The following DISC1 variants were observed in gnomAD, a reference collection of about 807,000 sequenced individuals.
The protein encoded by DISC1 is disrupted in schizophrenia 1 protein.
Under a neutral mutation model 84.5 loss-of-function variants are expected in DISC1, and 57 were observed. The observed-to-expected ratio is 0.67, with a 90% confidence interval of 0.55 to 0.84. The LOEUF (loss-of-function observed/expected upper bound fraction) is 0.84, where lower values mean the gene tolerates loss of function less well. Ranked by LOEUF, DISC1 falls within the 40% of genes least tolerant of loss-of-function variation. DISC1 has a pLI of 0.00. For missense variants in DISC1, 1,000 were observed against 1,057.8 expected, an observed-to-expected ratio of 0.95 and a Z score of 0.76; for synonymous variants, 411 against 415.2, an observed-to-expected ratio of 0.99 and a Z score of 0.12.
At chr1:231,862,532 A>G (rs9431700) in intron 9 of DISC1, among the ~76,000 whole-genome samples, 5,014 of 152,290 alleles carry the variant, frequency 0.033, 127 homozygotes, top group African/African-American at 0.065. Flanking sequence ...AAAATGAAGT[A>G]TCTGGTGTAT....
chr1:231,937,296 T>C (rs1572181349), intron 9 of DISC1, among the ~76,000 whole-genome samples: 1 of 152,264 alleles, frequency 6.6e-6, no homozygotes. Flanking sequence ...CATTAACTTA[T>C]TAGCCATTCC....
intron 9 of DISC1, chr1:231,855,203 C>T (rs2084183922): frequency 9.9e-7 from 1 of 1,008,316 alleles, no homozygotes. Flanking sequence ...AAAACTTACA[C>T]CTTATTCTAA....
intron 9 of DISC1, among the ~76,000 whole-genome samples, chr1:231,834,568 T>C (rs997078243): frequency 1.1e-4 from 17 of 152,142 alleles, no homozygotes; most frequent in Admixed American, 6.5e-4. Flanking sequence ...CGAGTTTGCA[T>C]TGGGGTCAAG....
At chr1:231,650,681 C>T (rs866697230) in intron 1 of DISC1, among the ~76,000 whole-genome samples, 2 of 152,298 alleles carry the variant, frequency 1.3e-5, no homozygotes, top group East Asian at 1.9e-4. Flanking sequence ...CCATTCTCCC[C>T]GTCACTTTCA....
At chr1:231,872,468 G>A (rs979170044) in intron 9 of DISC1, among the ~76,000 whole-genome samples, 4 of 152,242 alleles carry the variant, frequency 2.6e-5, no homozygotes, top group East Asian at 3.9e-4. Context: ...ACAGTCTGAT[G>A]CTTTGGCTGC....
intron 1 of DISC1, among the ~76,000 whole-genome samples, chr1:231,684,529 T>C (rs115800296): frequency 6.6e-6 from 1 of 152,208 alleles, no homozygotes; most frequent in African/African-American, 2.4e-5. Flanking sequence ...TAGGCACCTG[T>C]GTAAATACCA....
intron 3 of DISC1, among the ~76,000 whole-genome samples, chr1:231,745,040 AT>A: frequency 6.9e-6 from 1 of 144,626 alleles, no homozygotes; most frequent in African/African-American, 2.6e-5. Context: ...GCAATATGTA[AT>A]TAAAATTTTT....
chr1:231,906,981 CTTTCT>C (rs959597354), intron 9 of DISC1, among the ~76,000 whole-genome samples: 49 of 151,336 alleles, frequency 3.2e-4, no homozygotes, highest in African/African-American at 1.1e-3. Flanking sequence ...TCTTTCTTTT[CTTTCT>C]TTTCTTTCTT....
At chr1:231,886,766 C>CCTTT (rs3084378) in intron 9 of DISC1, among the ~76,000 whole-genome samples, 3,619 of 83,794 alleles carry the variant, frequency 0.043, 97 homozygotes, top group East Asian at 0.062. Context: ...TTCCTTCCTT[C>CCTTT]CTTTCTTTCT....
In DISC1 at chr1:232,036,679, A is replaced by G. The variant is rs758504066; in HGVS notation, c.2426-13A>G. 3.8e-5 allele frequency: 60 copies of G among 1,575,814 alleles called. No individual in the cohort carries two copies. Among genetic ancestry groups the G allele is most frequent in the Middle Eastern group, 1.7e-4 (1 of 5,904 alleles). On this transcript the variant is annotated splice_polypyrimidine_tract_variant and intron_variant, in intron 12 of 12. Transcript: ENST00000439617. ...CGATCACCTTCGAATGTGCTCCTTA[A>G]CAATGTGCCCACAGTCTCTCAGGAG...
intron 4 of DISC1, among the ~76,000 whole-genome samples, chr1:231,755,195 C>G (rs373829709): frequency 2.6e-5 from 4 of 151,912 alleles, no homozygotes; most frequent in African/African-American, 9.6e-5. Context: ...TGAGCTCCTT[C>G]TCTCCCTTTC....
At chr1:231,695,656 G>A (rs187888710) in intron 2 of DISC1, among the ~76,000 whole-genome samples, 1 of 151,804 alleles carries the variant, frequency 6.6e-6, no homozygotes, top group African/African-American at 2.4e-5. Context: ...TGTGCTGTGT[G>A]TTCATGTGTG....
At chr1:231,931,996 G>C (rs568918761) in intron 9 of DISC1, among the ~76,000 whole-genome samples, 5 of 151,906 alleles carry the variant, frequency 3.3e-5, no homozygotes, top group Non-Finnish European at 5.9e-5. Context: ...TGGGGAGCCC[G>C]ACTATTTGCA....
At chr1:231,793,244 C>T (rs1035348323) in intron 6 of DISC1, among the ~76,000 whole-genome samples, 1 of 152,146 alleles carries the variant, frequency 6.6e-6, no homozygotes, top group Admixed American at 6.6e-5. Flanking sequence ...CTTTCCCTTC[C>T]CCTCCCAACA....
chr1:231,993,832 T>A (rs1665556827), intron 10 of DISC1, among the ~76,000 whole-genome samples: 1 of 152,200 alleles, frequency 6.6e-6, no homozygotes, highest in Non-Finnish European at 1.5e-5. Flanking sequence ...TCTTAAAACT[T>A]CAATTCATGC....
intron 9 of DISC1, among the ~76,000 whole-genome samples, chr1:231,827,176 C>T (rs1203723786): frequency 3.3e-5 from 5 of 151,936 alleles, no homozygotes; most frequent in African/African-American, 7.3e-5. Context: ...TTAGTAGAGA[C>T]GGGGTTTCAC....
At chr1:231,900,659 CACTT>C (rs745453227) in intron 9 of DISC1, among the ~76,000 whole-genome samples, 3 of 152,130 alleles carry the variant, frequency 2.0e-5, no homozygotes. Flanking sequence ...TGCAAGGAAT[CACTT>C]ACTCTTCTGC....
intron 9 of DISC1, among the ~76,000 whole-genome samples, chr1:231,933,935 T>C (rs2090826219): frequency 6.6e-6 from 1 of 152,208 alleles, no homozygotes; most frequent in Non-Finnish European, 1.5e-5. Flanking sequence ...TGACTGGCTA[T>C]TTCTGCTGCA....
Position 231,832,954 on chromosome 1 carries a change from G to T in DISC1, c.1981+14437G>T, listed in dbSNP as rs1389674487. ...AAAGAGTGCTGTGGGATGGGATATT[G>T]GCATTGAGCAGGCTAAGGGTGATTA... On this transcript the variant is annotated intron_variant, in intron 9 of 12. Coordinates refer to ENST00000439617, the MANE Select transcript of DISC1 (RefSeq NM_018662.3). Among the ~76,000 whole-genome samples, 3 of 100,628 alleles carry T rather than the reference G, an allele frequency of 3.0e-5. 1 individual carries two copies. Among genetic ancestry groups the T allele is most frequent in the Non-Finnish European group, 6.5e-5 (3 of 46,148 alleles). The allele number at this position is 100,628 out of a possible 152,430, so 66.0% of individuals were successfully genotyped here. A position where few individuals can be genotyped will look rare whatever the true frequency, so the allele number is the denominator to read the frequency against.
Sources: gnomAD v4.1 joint callset for allele counts (sites outside exome capture counted in the v4.1 genomes callset) on GRCh38, gnomAD v4.1.1 for gene constraint, MANE v1.5 for transcripts, NCBI Gene and HGNC (gene_info 2026-07-23, HGNC 2026-07-21) for gene names.